The following SHROOM2 variants were observed in gnomAD, a reference collection of about 807,000 sequenced individuals.
SHROOM2 encodes the protein protein Shroom2.
A neutral mutation model predicts 75.9 loss-of-function variants in SHROOM2; 33 were observed. That is an observed-to-expected ratio of 0.43 (90% CI 0.33 to 0.58). The LOEUF is 0.58. SHROOM2 is among the 20% of genes least tolerant of loss of function. The pLI, the probability that SHROOM2 is intolerant of heterozygous loss-of-function variation, is 0.04. For missense variants in SHROOM2, 1,434 were observed against 1,461.2 expected (o/e 0.98, Z 0.30); for synonymous variants, 655 against 663.6 (o/e 0.99, Z 0.20).
At chrX:9,806,730 T>G (rs2083755302) in intron 1 of SHROOM2, among the ~76,000 whole-genome samples, 1 of 104,085 alleles carries the variant, frequency 9.6e-6, no homozygotes, top group South Asian at 4.5e-4. Flanking sequence ...TTTAATCCTT[T>G]TTTTTTTTTT....
chrX:9,875,107 A>AAAAAAAAAAAAAAAAAAAAAAAAC, intron 2 of SHROOM2, among the ~76,000 whole-genome samples: 1 of 101,612 alleles, frequency 9.8e-6, no homozygotes, highest in Non-Finnish European at 2.0e-5. Flanking sequence ...AAAAAAAAAA[A>AAAAAAAAAAAAAAAAAAAAAAAAC]AAAGGGGAGG....
intron 1 of SHROOM2, among the ~76,000 whole-genome samples, chrX:9,820,456 C>T (rs2083847789): frequency 9.0e-6 from 1 of 110,890 alleles, no homozygotes; most frequent in South Asian, 3.8e-4. Flanking sequence ...TCTTGAATTC[C>T]CGGGCTTAAG....
chrX:9,906,492 T>A lies in SHROOM2; in HGVS notation c.2891+8202T>A, dbSNP rs72612817. 6.2e-5 allele frequency among the ~76,000 whole-genome samples: 7 copies of A among 113,249 alleles called. No individual in the cohort carries two copies. In the East Asian group the frequency reaches 1.1e-3, roughly 18 times the overall value. ...TGGGAATCCATAAGAAAACTTTTTT[T>A]AATTTAAAATGGGTCTGTCAGGCAG... On this transcript the variant is annotated intron_variant, in intron 5 of 9. Coordinates refer to ENST00000380913, the MANE Select transcript of SHROOM2 (RefSeq NM_001649.4).
rs1226098229 is a variant in SHROOM2 at position 9,894,949 on chromosome X, G to T, written c.1041G>T (p.Gln347His). ...GPVFSEAAAA[Q>H]HFTALAQAQP... is the part of the protein sequence containing the mutation. ...TGTTCTCAGAGGCGGCTGCGGCACA[G>T]CACTTTACGGCCCTGGCCCAGGCTC... is the stretch of plus-strand genomic sequence containing the variant. The change falls in exon 4 of 10, where the codon CAG (glutamine) becomes CAT (histidine). Residue 347 changes from glutamine (Q) to histidine (H), a missense_variant. Gln to His is a conservative substitution (Grantham distance 24). Coordinates refer to ENST00000380913, the MANE Select transcript of SHROOM2 (RefSeq NM_001649.4). The T allele has an allele frequency of 8.3e-7, 1 of 1,210,736 alleles. No individual in the cohort carries two copies.
At chrX:9,856,758 A>G (rs1007974483) in intron 1 of SHROOM2, among the ~76,000 whole-genome samples, 9 of 111,727 alleles carry the variant, frequency 8.1e-5, no homozygotes, top group Admixed American at 7.6e-4. Context: ...TAGCTGCTGC[A>G]TCCCCACGCA....
chrX:9,924,481 G>A (rs1433629643), intron 5 of SHROOM2, among the ~76,000 whole-genome samples: 1 of 111,603 alleles, frequency 9.0e-6, no homozygotes, highest in Non-Finnish European at 1.9e-5. Flanking sequence ...TCAGCCTCCT[G>A]AGTAGCTGGG....
chrX:9,835,783 G>A (rs1419189045), intron 1 of SHROOM2, among the ~76,000 whole-genome samples: 1 of 108,941 alleles, frequency 9.2e-6, no homozygotes, highest in East Asian at 2.9e-4. Flanking sequence ...GCCCAGGCTG[G>A]ATGGAGTCCA....
intron 1 of SHROOM2, among the ~76,000 whole-genome samples, chrX:9,863,328 C>T (rs895918091): frequency 3.6e-5 from 4 of 111,224 alleles, no homozygotes; most frequent in Non-Finnish European, 7.5e-5. Flanking sequence ...CCCTTTTCAC[C>T]TAGCCGATCA....
intron 5 of SHROOM2, among the ~76,000 whole-genome samples, chrX:9,927,617 C>G (rs563707916): frequency 6.3e-4 from 71 of 111,830 alleles, no homozygotes; most frequent in Middle Eastern, 4.6e-3. Context: ...AGCTTCTCAC[C>G]TTTTAAAATT....
intron 6 of SHROOM2, among the ~76,000 whole-genome samples, chrX:9,933,923 G>A (rs2084674807): frequency 8.9e-6 from 1 of 112,030 alleles, no homozygotes; most frequent in Admixed American, 9.4e-5. Flanking sequence ...GTGTGATTTT[G>A]GCCCCCAGGG....
rs201503800 is a variant in SHROOM2 at position 9,935,310 on chromosome X, T to TTTATTATTA, written c.3588-1806_3588-1798dup. ...AAGGTGGCCAGGTTTTCCTCCTTCTTTTATTATTATTATTATTATTATTAT... is the reference window on the plus strand; with the variant it reads ...AAGGTGGCCAGGTTTTCCTCCTTCTTTTATTATTATTATTATTATTATTATTATTATTAT... On this transcript the variant is annotated intron_variant, in intron 6 of 9. Transcript: ENST00000380913. Among the ~76,000 whole-genome samples the TTTATTATTA allele has an allele frequency of 3.0e-3, 294 of 99,158 alleles. 1 individual carries two copies. The highest frequency in any genetic ancestry group is 9.9e-3 in the African/African-American group (259 of 26,196). 86.1% of individuals were successfully genotyped at this position (99,158 alleles called of 115,157 possible).
chrX:9,943,910 G>C (rs913722172), intron 8 of SHROOM2, among the ~76,000 whole-genome samples: 1 of 109,684 alleles, frequency 9.1e-6, no homozygotes, highest in Non-Finnish European at 1.9e-5. Context: ...GGCCAGGCCC[G>C]GTGGCTCACA....
chrX:9,802,065 A>C (rs1334697367), intron 1 of SHROOM2, among the ~76,000 whole-genome samples: 1 of 111,207 alleles, frequency 9.0e-6, no homozygotes, highest in Non-Finnish European at 1.9e-5. Flanking sequence ...TGGTGCTCTT[A>C]GTCTGTTGGA....
chrX:9,887,010 T>A (rs2084264595), intron 2 of SHROOM2, among the ~76,000 whole-genome samples: 1 of 112,609 alleles, frequency 8.9e-6, no homozygotes, highest in Non-Finnish European at 1.9e-5. Flanking sequence ...TTCAACAGAA[T>A]GATTTTGGTC....
At chrX:9,853,074 A>G (rs1480731491) in intron 1 of SHROOM2, among the ~76,000 whole-genome samples, 1 of 111,741 alleles carries the variant, frequency 8.9e-6, no homozygotes, top group East Asian at 2.8e-4. Flanking sequence ...GCCTGTTTTT[A>G]TATAGATGTA....
At chrX:9,803,049 C>G (rs1212448185) in intron 1 of SHROOM2, among the ~76,000 whole-genome samples, 1 of 109,129 alleles carries the variant, frequency 9.2e-6, no homozygotes, top group Non-Finnish European at 1.9e-5. Flanking sequence ...CTGCCTTAGC[C>G]CCCTGAGTAG....
intron 5 of SHROOM2, among the ~76,000 whole-genome samples, chrX:9,913,524 C>G (rs1229210784): frequency 8.9e-6 from 1 of 112,157 alleles, no homozygotes; most frequent in African/African-American, 3.2e-5. Context: ...GTTGGAATGC[C>G]TTTGCTTTAC....
rs189586100 is a variant in SHROOM2 at position 9,875,172 on chromosome X, A to C, written c.317+1369A>C. 8.6e-5 allele frequency among the ~76,000 whole-genome samples: 9 copies of C among 104,904 alleles called. No individual in the cohort carries two copies. The Admixed American group carries it at 9.5e-4, about 11-fold the overall frequency. 91.1% of individuals were successfully genotyped at this position (104,904 alleles called of 115,157 possible). On this transcript the variant is annotated intron_variant, in intron 2 of 9. Coordinates refer to ENST00000380913, the MANE Select transcript of SHROOM2 (RefSeq NM_001649.4). Reference sequence around the variant, plus strand: ...TAGCAAAGTCAATTGTAAGTGGTACATGCTATTCCTGAGCACCCTTTTAAC... The same window carrying C: ...TAGCAAAGTCAATTGTAAGTGGTACCTGCTATTCCTGAGCACCCTTTTAAC...
intron 1 of SHROOM2, among the ~76,000 whole-genome samples, chrX:9,801,753 G>C (rs1197658194): frequency 9.0e-6 from 1 of 110,635 alleles, no homozygotes; most frequent in Non-Finnish European, 1.9e-5. Flanking sequence ...AGGAATTCGA[G>C]ACCAGGCTGG....
Sources: gnomAD v4.1 joint callset for allele counts (sites outside exome capture counted in the v4.1 genomes callset) on GRCh38, gnomAD v4.1.1 for gene constraint, MANE v1.5 for transcripts, NCBI Gene and HGNC (gene_info 2026-07-23, HGNC 2026-07-21) for gene names.